The following GORAB variants were observed in gnomAD, a reference collection of about 807,000 sequenced individuals.
The protein encoded by GORAB is RAB6-interacting golgin.
GORAB carries 17 observed loss-of-function variants against 29.9 expected under a neutral mutation model. That is an observed-to-expected ratio of 0.57 (90% CI 0.39 to 0.85). GORAB has a LOEUF of 0.85. Ranked by LOEUF, GORAB falls within the 40% of genes least tolerant of loss-of-function variation. The pLI, the probability that GORAB is intolerant of heterozygous loss-of-function variation, is 0.00. For missense variants in GORAB, 442 were observed against 437.8 expected, an observed-to-expected ratio of 1.01 and a Z score of -0.09; for synonymous variants, 183 against 157.2, an observed-to-expected ratio of 1.16 and a Z score of -1.23.
At chr1:170,545,499 C>G (rs1163612781) in intron 4 of GORAB, 1 of 984,112 alleles carries the variant, frequency 1.0e-6, no homozygotes, top group Non-Finnish European at 1.2e-6. Context: ...TGAACTAACA[C>G]ATGTAATGAA....
In GORAB at chr1:170,542,587, A is replaced by C. The variant is rs1558006691; in HGVS notation, c.516A>C (p.Ala172=). ...RKKALLAKAI[A]ERSKRTQAET... Reference sequence around the variant, plus strand: ...AAGCTCTTTTGGCTAAAGCTATTGCAGAAAGGTGAGGCACCTGAACCAGGA... The same window carrying C: ...AAGCTCTTTTGGCTAAAGCTATTGCCGAAAGGTGAGGCACCTGAACCAGGA... Residue 172 remains alanine (A), a synonymous_variant, in exon 3 of 5, where the codon GCA becomes GCC. Coordinates refer to ENST00000367763, the MANE Select transcript of GORAB (RefSeq NM_152281.3). 2 of 1,606,492 alleles carry C rather than the reference A, an allele frequency of 1.2e-6. No homozygotes were observed. The highest frequency in any genetic ancestry group is 2.2e-5 in the East Asian group (1 of 44,790).
rs780894393 is a variant in GORAB, at chr1:170,539,481, A to G, written c.333A>G (p.Gly111=). The change falls in exon 2 of 5, where the codon GGA becomes GGG. Residue 111 remains glycine (G), a synonymous_variant. Transcript: ENST00000367763. ...QGIESQPKEL[G]LENSHDGHNN... Reference sequence around the variant, plus strand: ...TTGAAAGTCAGCCAAAGGAACTGGGACTTGAGAATTCCCATGATGGTCACA... The same window carrying G: ...TTGAAAGTCAGCCAAAGGAACTGGGGCTTGAGAATTCCCATGATGGTCACA... The G allele has an allele frequency of 1.2e-6, 2 of 1,614,130 alleles. No individual in the cohort carries two copies. The highest frequency in any genetic ancestry group is 1.1e-5 in the South Asian group (1 of 91,082).
At chr1:170,534,231 T>G (rs1648903958) in intron 1 of GORAB, among the ~76,000 whole-genome samples, 1 of 152,254 alleles carries the variant, frequency 6.6e-6, no homozygotes, top group Non-Finnish European at 1.5e-5. Flanking sequence ...TAGTATTAAC[T>G]GTAGCCACAT....
At chr1:170,542,058 A>G (rs1649464788) in intron 2 of GORAB, among the ~76,000 whole-genome samples, 2 of 152,264 alleles carry the variant, frequency 1.3e-5, no homozygotes, top group Non-Finnish European at 2.9e-5. Context: ...TGTCTGAAAC[A>G]TGTTAAGGTG....
In GORAB at chr1:170,532,185, A is replaced by G. The variant is rs1162133884; in HGVS notation, c.-39A>G. The stretch of plus-strand genomic sequence containing the variant: ...AGCAGTGTTGGCAGTCGCGGCTGCG[A>G]GATTTGGGCACTTTTGGGGGTGCCG... On this transcript the variant is annotated 5_prime_UTR_variant, in exon 1 of 5. Transcript: ENST00000367763. 1.9e-6 allele frequency: 3 copies of G among 1,613,448 alleles called. No homozygotes were observed. Among genetic ancestry groups the G allele is most frequent in the Non-Finnish European group, 2.5e-6 (3 of 1,180,012 alleles).
chr1:170,534,631 A>T (rs1325946524), intron 1 of GORAB, among the ~76,000 whole-genome samples: 1 of 152,168 alleles, frequency 6.6e-6, no homozygotes, highest in Non-Finnish European at 1.5e-5. Flanking sequence ...CTATGTTTAG[A>T]TACACAAATA....
rs540937228 is a variant in GORAB at position 170,544,935 on chromosome 1, T to C, written c.662+90T>C. The C allele has an allele frequency of 1.9e-5, 29 of 1,544,586 alleles. No individual in the cohort carries two copies. The African/African-American group carries it at 2.9e-4, about 15-fold the overall frequency. ...CCAGGGGCTTTTATGTATATCATCATTGAAGCCTCAAAACAACCCCATTCA... is the reference window on the plus strand; with the variant it reads ...CCAGGGGCTTTTATGTATATCATCACTGAAGCCTCAAAACAACCCCATTCA... On this transcript the variant is annotated intron_variant, in intron 4 of 4. Coordinates refer to ENST00000367763, the MANE Select transcript of GORAB (RefSeq NM_152281.3).
chr1:170,550,992 T>C (rs1438468355), intron 4 of GORAB, among the ~76,000 whole-genome samples: 1 of 152,200 alleles, frequency 6.6e-6, no homozygotes, highest in Non-Finnish European at 1.5e-5. Context: ...TCTAGTAGAA[T>C]TGCCCTATTT....
intron 2 of GORAB, chr1:170,539,795 C>A: frequency 1.9e-6 from 1 of 531,462 alleles, no homozygotes; most frequent in East Asian, 3.4e-5. Context: ...AACAGCCTTA[C>A]AATGCATGTT....
chr1:170,545,548 T>A (rs1290351035), intron 4 of GORAB: 1 of 984,860 alleles, frequency 1.0e-6, no homozygotes, highest in East Asian at 1.1e-4. Flanking sequence ...GGCAAAAAAA[T>A]ATGTCCAATT....
At chr1:170,541,975 A>G (rs980277961) in intron 2 of GORAB, among the ~76,000 whole-genome samples, 1 of 152,178 alleles carries the variant, frequency 6.6e-6, no homozygotes, top group Non-Finnish European at 1.5e-5. Context: ...AAAGACAAAA[A>G]AAAGTCTTAA....
At chr1:170,535,039 TGCACAGTCACTCC>T (rs1247302525) in intron 1 of GORAB, among the ~76,000 whole-genome samples, 4 of 152,234 alleles carry the variant, frequency 2.6e-5, no homozygotes, top group Admixed American at 2.6e-4. Context: ...GTGACTGTGT[TGCACAGTCACTCC>T]GTTTTTTGGT....
chr1:170,540,460 ATC>A, intron 2 of GORAB, among the ~76,000 whole-genome samples: 1 of 149,772 alleles, frequency 6.7e-6, no homozygotes, highest in East Asian at 2.0e-4. Context: ...TTTTTTTCTA[ATC>A]TCTGACATCT....
At position 170,552,272 on chromosome 1, in the gene GORAB, T is replaced by C; in HGVS notation, c.920T>C (p.Leu307Ser). ...GAATCAAGGAGACCAGTGGTTCGTT[T>C]AGAGAGGCCATTTCAGCCTGCGGAG... ...EVESRRPVVR[L>S]ERPFQPAEES... Residue 307 changes from leucine to serine, a missense_variant, in exon 5 of 5, where the codon TTA becomes TCA. Leu to Ser is a moderately radical substitution (Grantham distance 145). Coordinates refer to ENST00000367763, the MANE Select transcript of GORAB (RefSeq NM_152281.3). 6.2e-7 allele frequency: 1 copy of C among 1,614,094 alleles called. No individual in the cohort carries two copies. The highest frequency in any genetic ancestry group is 8.5e-7 in the Non-Finnish European group (1 of 1,179,966).
At chr1:170,544,588 CTT>C in intron 3 of GORAB, 115 bp from the exon 4 acceptor site, 3 of 706,594 alleles carry the variant, frequency 4.2e-6, no homozygotes, top group Non-Finnish European at 6.5e-6. Flanking sequence ...TTTTTTCTAA[CTT>C]TTAAAATATA....
intron 1 of GORAB, 142 bp downstream of exon 1, chr1:170,532,426 G>T: frequency 1.1e-6 from 1 of 902,800 alleles, no homozygotes; most frequent in East Asian, 2.4e-5. Flanking sequence ...ACTGGATTAG[G>T]GGGTTTCAGA....
chr1:170,534,027 A>C (rs1648885605), intron 1 of GORAB, among the ~76,000 whole-genome samples: 1 of 152,206 alleles, frequency 6.6e-6, no homozygotes, highest in African/African-American at 2.4e-5. Flanking sequence ...GTTGGTTGCC[A>C]GGAAAAATAA....
Position 170,552,309 on chromosome 1 carries a change from A to T in GORAB, c.957A>T (p.Thr319=), listed in dbSNP as rs770761808. The change falls in exon 5 of 5, where the codon ACA becomes ACT. Residue 319 remains threonine, a synonymous_variant. Coordinates refer to ENST00000367763, the MANE Select transcript of GORAB (RefSeq NM_152281.3). ...RPFQPAEESV[T]LEFAKENRKC... is the part of the protein sequence containing the mutation. The stretch of plus-strand genomic sequence containing the variant: ...TTCAGCCTGCGGAGGAGAGTGTGAC[A>T]TTAGAATTTGCTAAAGAGAACAGAA... 2.5e-6 allele frequency: 4 copies of T among 1,614,158 alleles called. No homozygotes were observed. The highest frequency in any genetic ancestry group is 3.4e-6 in the Non-Finnish European group (4 of 1,179,968).
Position 170,553,266 on chromosome 1 carries a change from TTC to T in GORAB, c.*806_*807del, listed in dbSNP as rs531527762. Reference sequence around the variant, plus strand: ...TTATCAAAAAAAGTATGTATTTTCTTTCTAAAGTTATCTATAAATATGTTTTT... The same window carrying T: ...TTATCAAAAAAAGTATGTATTTTCTTTAAAGTTATCTATAAATATGTTTTT... On this transcript the variant is annotated 3_prime_UTR_variant, in exon 5 of 5. Transcript: ENST00000367763. The T allele has an allele frequency of 6.8e-4, 304 of 449,692 alleles. 3 individuals are homozygous for T. Among genetic ancestry groups the T allele is most frequent in the African/African-American group, 5.7e-3 (284 of 49,984 alleles). 27.9% of individuals were successfully genotyped at this position (449,692 alleles called of 1,614,324 possible).
Sources: gnomAD v4.1 joint callset for allele counts (sites outside exome capture counted in the v4.1 genomes callset) on GRCh38, gnomAD v4.1.1 for gene constraint, MANE v1.5 for transcripts, NCBI Gene and HGNC (gene_info 2026-07-23, HGNC 2026-07-21) for gene names.